NOVA2: variants seen among roughly 807,000 people sequenced by gnomAD.
NOVA2 encodes NOVA alternative splicing regulator 2.
NOVA2 carries 9 observed loss-of-function variants against 22.5 expected under a neutral mutation model. That is an observed-to-expected ratio of 0.40 (90% CI 0.24 to 0.70). NOVA2 has a LOEUF of 0.70. NOVA2 is among the 30% of genes least tolerant of loss of function. The pLI, the probability that NOVA2 is intolerant of heterozygous loss-of-function variation, is 0.38. For missense variants in NOVA2, 383 were observed against 682.8 expected, an observed-to-expected ratio of 0.56 and a Z score of 4.89; for synonymous variants, 318 against 335.2, an observed-to-expected ratio of 0.95 and a Z score of 0.56.
At chr19:45,951,317 A>C (rs1967921820) in intron 3 of NOVA2, among the ~76,000 whole-genome samples, 6 of 151,992 alleles carry the variant, frequency 3.9e-5, no homozygotes, top group Admixed American at 3.9e-4. Context: ...TCTACAAAAA[A>C]TACAAAAATT....
At chr19:45,945,210 G>C (rs1158747675) in intron 3 of NOVA2, among the ~76,000 whole-genome samples, 4 of 151,696 alleles carry the variant, frequency 2.6e-5, no homozygotes, top group African/African-American at 9.7e-5. Context: ...AGGAGTCTAA[G>C]GGATCACTTG....
At chr19:45,967,110 A>G (rs1193684094) in intron 1 of NOVA2, among the ~76,000 whole-genome samples, 2 of 152,094 alleles carry the variant, frequency 1.3e-5, no homozygotes, top group African/African-American at 4.8e-5. Context: ...TGAGTCTCCT[A>G]TGAACAGTGA....
chr19:45,944,468 AC>A lies in NOVA2; in HGVS notation c.397-3524del, dbSNP rs1395876200. On this transcript the variant is annotated intron_variant, in intron 3 of 3. Coordinates refer to ENST00000263257, the MANE Select transcript of NOVA2 (RefSeq NM_002516.4). Reference sequence around the variant, plus strand: ...AAACAAAACAAAACAAAAAACAAAAACAACAACAAAGAAGCAAAAAATAAAA... The same window carrying A: ...AAACAAAACAAAACAAAAAACAAAAAAACAACAAAGAAGCAAAAAATAAAA... Among the ~76,000 whole-genome samples the A allele has an allele frequency of 1.8e-4, 27 of 152,248 alleles. No homozygotes were observed. The East Asian group carries it at 4.4e-3, about 25-fold the overall frequency.
Position 45,940,460 on chromosome 19 carries a change from G to T in NOVA2, c.882C>A (p.Asn294Lys). ...NTLASYGYNT[N>K]SLGLGLNSAA... ...CCGAGTTGAGGCCCAGGCCCAGGGA[G>T]TTGGTGTTGTAGCCGTAACTTGCCA... Residue 294 changes from asparagine to lysine, a missense_variant, in exon 4 of 4, where the codon AAC (asparagine) becomes AAA (lysine). Coordinates refer to ENST00000263257, the MANE Select transcript of NOVA2 (RefSeq NM_002516.4). 6.5e-7 allele frequency: 1 copy of T among 1,533,616 alleles called. No homozygotes were observed. The highest frequency in any genetic ancestry group is 8.8e-7 in the Non-Finnish European group (1 of 1,140,732).
chr19:45,960,870 C>G, intron 2 of NOVA2, 140 bp downstream of exon 2: 1 of 885,130 alleles, frequency 1.1e-6, no homozygotes, highest in Non-Finnish European at 1.7e-6. Flanking sequence ...AGCTCTGTCC[C>G]CTTAGGGGAA....
chr19:45,943,955 C>T (rs970983371), intron 3 of NOVA2, among the ~76,000 whole-genome samples: 1 of 152,170 alleles, frequency 6.6e-6, no homozygotes, highest in Non-Finnish European at 1.5e-5. Context: ...TTGCTCTGCA[C>T]TTCACTAAAA....
At chr19:45,952,841 T>A (rs960003043) in intron 3 of NOVA2, among the ~76,000 whole-genome samples, 2 of 152,154 alleles carry the variant, frequency 1.3e-5, no homozygotes, top group East Asian at 3.9e-4. Context: ...CATTTCCCCA[T>A]GAGCTTAGGG....
At chr19:45,969,200 A>G (rs1250506376) in intron 1 of NOVA2, among the ~76,000 whole-genome samples, 1 of 151,164 alleles carries the variant, frequency 6.6e-6, no homozygotes, top group Non-Finnish European at 1.5e-5. Context: ...CAACAACAAC[A>G]AAAAACAAAG....
rs753398608 is a variant in NOVA2, at chr19:45,953,792, G to A, written c.384C>T (p.Asp128=). 1 of 1,614,176 alleles carries A rather than the reference G, an allele frequency of 6.2e-7. No homozygotes were observed. The highest frequency in any genetic ancestry group is 1.1e-5 in the South Asian group (1 of 91,074). The change falls in exon 3 of 4, where the codon GAC becomes GAT. Residue 128 remains aspartate (D), a synonymous_variant. Transcript: ENST00000263257. The part of the protein sequence containing the change: ...ILQPQTTMNP[D]RAKQAKLIVP... ...TGCCCCAGCTGACCTGCTTGGCTCT[G>A]TCGGGGTTCATCGTGGTTTGGGGTT...
intron 3 of NOVA2, among the ~76,000 whole-genome samples, chr19:45,948,542 G>C (rs1164231906): frequency 6.7e-6 from 1 of 150,364 alleles, no homozygotes; most frequent in Non-Finnish European, 1.5e-5. Context: ...GGAGCTTGCA[G>C]TGAGCCGAGA....
At position 45,937,606 on chromosome 19, in the gene NOVA2, G is replaced by A. The variant is rs1417195288; in HGVS notation, c.*2257C>T. The A allele has an allele frequency of 1.3e-5, 2 of 152,020 alleles. No individual in the cohort carries two copies. The highest frequency in any genetic ancestry group is 4.8e-5 in the African/African-American group (2 of 41,378). 9.4% of individuals were successfully genotyped at this position (152,020 alleles called of 1,614,324 possible). ...TATGTACAAAGTTACATCAAGAATT[G>A]TTTTGGCACTCAGATCTCCATCTGG... is the stretch of plus-strand genomic sequence containing the variant. On this transcript the variant is annotated 3_prime_UTR_variant, in exon 4 of 4. Transcript: ENST00000263257.
chr19:45,953,805 G>A lies in NOVA2; in HGVS notation c.371C>T (p.Thr124Met), dbSNP rs547813363. The stretch of plus-strand genomic sequence containing the variant: ...CTGCTTGGCTCTGTCGGGGTTCATC[G>A]TGGTTTGGGGTTGAAGGATGTTGAC... ...EVVNILQPQT[T>M]MNPDRAKQAK... Residue 124 changes from threonine (T) to methionine (M), a missense_variant, in exon 3 of 4, where the codon ACG becomes ATG. Coordinates refer to ENST00000263257, the MANE Select transcript of NOVA2 (RefSeq NM_002516.4). 62 of 1,614,166 alleles carry A rather than the reference G, an allele frequency of 3.8e-5. No homozygotes were observed. Among genetic ancestry groups the A allele is most frequent in the South Asian group, 6.6e-5 (6 of 91,082 alleles).
chr19:45,963,491 C>T (rs771251145), intron 1 of NOVA2, among the ~76,000 whole-genome samples: 11 of 151,962 alleles, frequency 7.2e-5, no homozygotes, highest in Non-Finnish European at 1.6e-4. Context: ...GGCTTTTGTG[C>T]ATGCTCTGTG....
intron 2 of NOVA2, among the ~76,000 whole-genome samples, chr19:45,959,530 C>G (rs1034550497): frequency 3.5e-4 from 53 of 152,050 alleles, no homozygotes; most frequent in African/African-American, 1.3e-3. Context: ...GAGGAACATT[C>G]CGAACAGAGG....
intron 3 of NOVA2, among the ~76,000 whole-genome samples, chr19:45,946,535 G>A (rs1367496515): frequency 1.3e-5 from 2 of 152,204 alleles, no homozygotes; most frequent in East Asian, 3.9e-4. Context: ...AATAATGTAG[G>A]AGATTGTCCT....
At chr19:45,969,654 T>C (rs755968984) in intron 1 of NOVA2, among the ~76,000 whole-genome samples, 1 of 151,584 alleles carries the variant, frequency 6.6e-6, no homozygotes, top group Non-Finnish European at 1.5e-5. Flanking sequence ...GGGAATATAG[T>C]CAGGAGTACA....
At chr19:45,946,088 T>G (rs928638882) in intron 3 of NOVA2, among the ~76,000 whole-genome samples, 1 of 151,530 alleles carries the variant, frequency 6.6e-6, no homozygotes, top group African/African-American at 2.4e-5. Context: ...GCAGATCGCT[T>G]GAGCTCACAA....
chr19:45,961,314 C>T (rs931242956), intron 1 of NOVA2, among the ~76,000 whole-genome samples, 161 bp from the exon 2 acceptor site: 1 of 152,130 alleles, frequency 6.6e-6, no homozygotes, highest in African/African-American at 2.4e-5. Context: ...TTATTGAGCA[C>T]CTGCTACGTG....
At chr19:45,967,676 G>GGCT (rs2146428141) in intron 1 of NOVA2, 1 of 152,198 alleles carries the variant, frequency 6.6e-6, no homozygotes, top group Non-Finnish European at 1.5e-5. Flanking sequence ...TGCTTCTGAC[G>GGCT]GCTTTCAAAA....
Sources: allele counts gnomAD v4.1 joint callset (sites outside exome capture counted in the v4.1 genomes callset), GRCh38; gene constraint gnomAD v4.1.1; transcripts MANE v1.5; gene names NCBI Gene and HGNC (gene_info 2026-07-23, HGNC 2026-07-21).